The following HOXB9 variants were observed in gnomAD, a reference collection of about 807,000 sequenced individuals.
HOXB9 encodes homeobox protein Hox-B9.
In HOXB9, 10 loss-of-function variants were observed where a neutral mutation model predicts 21.5. That is an observed-to-expected ratio of 0.47 (90% CI 0.29 to 0.79). The LOEUF is 0.79. Ranked by LOEUF, HOXB9 falls within the 30% of genes least tolerant of loss-of-function variation. The pLI is 0.10. For missense variants in HOXB9, 375 were observed against 338.7 expected, an observed-to-expected ratio of 1.11 and a Z score of -0.84; for synonymous variants, 156 against 151.2, an observed-to-expected ratio of 1.03 and a Z score of -0.23.
In HOXB9 at chr17:48,622,694, C is replaced by A; in HGVS notation, c.*206G>T. ...ATTTCTATCTTCTAAATCAACAAAA[C>A]TTTCTCCTGACACCTAGAGAGAAGA... On this transcript the variant is annotated 3_prime_UTR_variant, in exon 2 of 2. Coordinates refer to ENST00000311177, the MANE Select transcript of HOXB9 (RefSeq NM_024017.5). 2.0e-6 allele frequency: 1 copy of A among 512,446 alleles called. No individual in the cohort carries two copies. The highest frequency in any genetic ancestry group is 3.5e-6 in the Non-Finnish European group (1 of 289,090). 31.7% of individuals were successfully genotyped at this position (512,446 alleles called of 1,614,324 possible).
chr17:48,625,885 G>T lies in HOXB9; in HGVS notation c.385C>A (p.Leu129Ile). 1 of 1,604,948 alleles carries T rather than the reference G, an allele frequency of 6.2e-7. No individual in the cohort carries two copies. Reference sequence around the variant, plus strand: ...CTGTACTCGGGCGTGCCCTGTTTGAGCAGCTCCCCAGGCGCGCCCAGCAGC... The same window carrying T: ...CTGTACTCGGGCGTGCCCTGTTTGATCAGCTCCCCAGGCGCGCCCAGCAGC... ...EPLLGAPGEL[L>I]KQGTPEYSLE... The change falls in exon 1 of 2, where the codon CTC becomes ATC. Residue 129 changes from leucine to isoleucine, a missense_variant. Coordinates refer to ENST00000311177, the MANE Select transcript of HOXB9 (RefSeq NM_024017.5).
Position 48,626,136 on chromosome 17 carries a change from AGGTGCTCCGCGTGGCCCGGCT to A in HOXB9, c.113_133del (p.Gln38_His44del), listed in dbSNP as rs773722907. On this transcript the variant is annotated inframe_deletion, in exon 1 of 2. Coordinates refer to ENST00000311177, the MANE Select transcript of HOXB9 (RefSeq NM_024017.5). ...CTGGAAGCTGCACGAGGGGAACTCC[AGGTGCTCCGCGTGGCCCGGCT>A]GCCGCGAGCTCGCGTACTGGCCAGA... 45 of 1,592,090 alleles carry A rather than the reference AGGTGCTCCGCGTGGCCCGGCT, an allele frequency of 2.8e-5. No homozygotes were observed. The Admixed American group carries it at 7.6e-4, about 27-fold the overall frequency.
Position 48,626,249 on chromosome 17 carries a change from A to G in HOXB9, c.21T>C (p.Leu7=), listed in dbSNP as rs764999271. 9 of 1,594,300 alleles carry G rather than the reference A, an allele frequency of 5.6e-6. No individual in the cohort carries two copies. In the African/African-American group the frequency reaches 8.0e-5, roughly 14 times the overall value. MSISGT[L]SSYYVDSIIS... is the part of the protein sequence containing the mutation. ...TGATCGAGTCGACATAATAGCTGCT[A>G]AGCGTCCCAGAAATGGACATTCTCA... The change falls in exon 1 of 2, where the codon CTT becomes CTC. Residue 7 remains leucine, a synonymous_variant. Transcript: ENST00000311177.
At chr17:48,623,420 C>A (rs2070787162) in intron 1 of HOXB9, among the ~76,000 whole-genome samples, 2 of 152,194 alleles carry the variant, frequency 1.3e-5, no homozygotes, top group Admixed American at 1.3e-4. Flanking sequence ...CTACTTGGGT[C>A]CAAACTGCTT....
chr17:48,626,193 G>A lies in HOXB9; in HGVS notation c.77C>T (p.Ala26Val). The A allele has an allele frequency of 6.3e-7, 1 of 1,599,424 alleles. No individual in the cohort carries two copies. The highest frequency in any genetic ancestry group is 8.5e-7 in the Non-Finnish European group (1 of 1,179,696). ...CGCGTACTGGCCAGAAGGAAACTTG[G>A]CTGGAGGCGCGTCCTCACTCTCGTG... is the stretch of plus-strand genomic sequence containing the variant. ...ISHESEDAPPAKFPSGQYASS... is the reference protein window; with the variant it reads ...ISHESEDAPPVKFPSGQYASS... Residue 26 changes from alanine to valine, a missense_variant, in exon 1 of 2, where the codon GCC becomes GTC. By Grantham distance (64) the Ala-to-Val change is moderately conservative. Transcript: ENST00000311177.
chr17:48,625,664 C>T, intron 1 of HOXB9, 89 bp downstream of exon 1: 1 of 1,405,754 alleles, frequency 7.1e-7, no homozygotes, highest in Non-Finnish European at 9.4e-7. Context: ...CGCAGTTTCC[C>T]TTCACATTGT....
rs1266592093 is a variant in HOXB9, at chr17:48,621,916, G to A, written c.*984C>T. The A allele has an allele frequency of 3.3e-5, 5 of 152,330 alleles. No homozygotes were observed. Among genetic ancestry groups the A allele is most frequent in the Admixed American group, 3.3e-4 (5 of 15,286 alleles). The allele number at this position is 152,330 out of a possible 1,614,324, so 9.4% of individuals were successfully genotyped here. On this transcript the variant is annotated 3_prime_UTR_variant, in exon 2 of 2. Transcript: ENST00000311177. ...GGTGCAAGGTGGATACGACCGAAGA[G>A]AGTTGATTTCAGAGCTAGGGAGGGT...
chr17:48,624,690 G>C (rs1377242929), intron 1 of HOXB9, among the ~76,000 whole-genome samples: 1 of 152,104 alleles, frequency 6.6e-6, no homozygotes, highest in African/African-American at 2.4e-5. Flanking sequence ...ACCAGCCTGC[G>C]AGTCATTGTT....
rs773821975 is a variant in HOXB9 at position 48,625,844 on chromosome 17, C to A, written c.426G>T (p.Ala142=). ...GTPEYSLETS[A]GREAVLSNQR... The stretch of plus-strand genomic sequence containing the variant: ...GATTAGACAGCACGGCCTCCCTGCC[C>A]GCCGAAGTTTCCAAACTGTACTCGG... Residue 142 remains alanine (A), a synonymous_variant, in exon 1 of 2, where the codon GCG becomes GCT. Transcript: ENST00000311177. 3.7e-6 allele frequency: 6 copies of A among 1,611,906 alleles called. No individual in the cohort carries two copies. The highest frequency in any genetic ancestry group is 5.1e-6 in the Non-Finnish European group (6 of 1,179,298).
At chr17:48,624,953 C>T (rs1188750210) in intron 1 of HOXB9, among the ~76,000 whole-genome samples, 2 of 152,176 alleles carry the variant, frequency 1.3e-5, no homozygotes, top group Non-Finnish European at 2.9e-5. Flanking sequence ...TATTCGGAAG[C>T]GATTCCCCGA....
chr17:48,622,778 G>T lies in HOXB9; in HGVS notation c.*122C>A. On this transcript the variant is annotated 3_prime_UTR_variant, in exon 2 of 2. Coordinates refer to ENST00000311177, the MANE Select transcript of HOXB9 (RefSeq NM_024017.5). ...GTTCTAGGTGCAGATAAAGGACTTG[G>T]AAGAGAGACTCCCTTCCCCATTCAC... is the stretch of plus-strand genomic sequence containing the variant. 1 of 700,578 alleles carries T rather than the reference G, an allele frequency of 1.4e-6. No homozygotes were observed. The highest frequency in any genetic ancestry group is 2.7e-5 in the East Asian group (1 of 37,498). 43.4% of individuals were successfully genotyped at this position (700,578 alleles called of 1,614,324 possible). A position where few individuals can be genotyped will look rare whatever the true frequency, so the allele number is the denominator to read the frequency against.
chr17:48,625,605 T>G, intron 1 of HOXB9, 148 bp downstream of exon 1: 10 of 951,340 alleles, frequency 1.1e-5, no homozygotes, highest in Non-Finnish European at 1.5e-5. Flanking sequence ...CTTCCCTCCG[T>G]CTTTCCTTCC....
intron 1 of HOXB9, among the ~76,000 whole-genome samples, chr17:48,624,896 C>T (rs894274941): frequency 6.6e-6 from 1 of 152,230 alleles, no homozygotes; most frequent in Non-Finnish European, 1.5e-5. Context: ...GCAACTCTCT[C>T]TTCCCCCCAC....
At position 48,626,245 on chromosome 17, in the gene HOXB9, T is replaced by C. The variant is rs371056380; in HGVS notation, c.25A>G (p.Ser9Gly). The change falls in exon 1 of 2, where the codon AGC becomes GGC. Residue 9 changes from serine (S) to glycine (G), a missense_variant. Physicochemically the swap from Ser to Gly is moderately conservative, Grantham distance 56. Coordinates refer to ENST00000311177, the MANE Select transcript of HOXB9 (RefSeq NM_024017.5). ...CTTATGATCGAGTCGACATAATAGCTGCTAAGCGTCCCAGAAATGGACATT... is the reference window on the plus strand; with the variant it reads ...CTTATGATCGAGTCGACATAATAGCCGCTAAGCGTCCCAGAAATGGACATT... MSISGTLS[S>G]YYVDSIISHE... The C allele has an allele frequency of 5.6e-6, 9 of 1,594,566 alleles. No individual in the cohort carries two copies. Among genetic ancestry groups the C allele is most frequent in the Non-Finnish European group, 7.6e-6 (9 of 1,176,628 alleles).
In HOXB9 at chr17:48,625,815, C is replaced by T; in HGVS notation, c.455G>A (p.Arg152Lys). The T allele has an allele frequency of 1.1e-5, 18 of 1,609,662 alleles. No individual in the cohort carries two copies. The highest frequency in any genetic ancestry group is 1.4e-5 in the Non-Finnish European group (17 of 1,178,320). ...AATTTTATTGTCCCCGTAGCCGGGT[C>T]TTTGATTAGACAGCACGGCCTCCCT... is the stretch of plus-strand genomic sequence containing the variant. ...AGREAVLSNQ[R>K]PGYGDNKICE... Residue 152 changes from arginine to lysine, a missense_variant, in exon 1 of 2, where the codon AGA (arginine) becomes AAA (lysine). Transcript: ENST00000311177.
At position 48,626,137 on chromosome 17, in the gene HOXB9, G is replaced by A; in HGVS notation, c.133C>T (p.Leu45=). ...SSRQPGHAEH[L]EFPSCSFQPK... ...TGGAAGCTGCACGAGGGGAACTCCA[G>A]GTGCTCCGCGTGGCCCGGCTGCCGC... Residue 45 remains leucine, a synonymous_variant, in exon 1 of 2, where the codon CTG becomes TTG. Transcript: ENST00000311177. 6.3e-7 allele frequency: 1 copy of A among 1,592,292 alleles called. No individual in the cohort carries two copies.
At position 48,626,244 on chromosome 17, in the gene HOXB9, C is replaced by A; in HGVS notation, c.26G>T (p.Ser9Ile). MSISGTLS[S>I]YYVDSIISHE... is the part of the protein sequence containing the mutation. The stretch of plus-strand genomic sequence containing the variant: ...ACTTATGATCGAGTCGACATAATAG[C>A]TGCTAAGCGTCCCAGAAATGGACAT... Residue 9 changes from serine (S) to isoleucine (I), a missense_variant, in exon 1 of 2, where the codon AGC (serine) becomes ATC (isoleucine). By Grantham distance (142) the Ser-to-Ile change is moderately radical (BLOSUM62 -2). Coordinates refer to ENST00000311177, the MANE Select transcript of HOXB9 (RefSeq NM_024017.5). The A allele has an allele frequency of 1.3e-6, 2 of 1,594,896 alleles. No homozygotes were observed. Among genetic ancestry groups the A allele is most frequent in the Non-Finnish European group, 1.7e-6 (2 of 1,176,776 alleles).
chr17:48,623,498 G>A (rs1209983838), intron 1 of HOXB9, among the ~76,000 whole-genome samples: 1 of 152,204 alleles, frequency 6.6e-6, no homozygotes, highest in Admixed American at 6.5e-5. Flanking sequence ...ACTAGGGGTG[G>A]GTGGCTGACC....
intron 1 of HOXB9, among the ~76,000 whole-genome samples, chr17:48,625,490 C>G (rs2070804703): frequency 6.6e-6 from 1 of 152,214 alleles, no homozygotes; most frequent in African/African-American, 2.4e-5. Flanking sequence ...GCCGAGAGAG[C>G]TGCAAGTCGA....
Sources: allele counts gnomAD v4.1 joint callset (sites outside exome capture counted in the v4.1 genomes callset), GRCh38; gene constraint gnomAD v4.1.1; transcripts MANE v1.5; gene names NCBI Gene and HGNC (gene_info 2026-07-23, HGNC 2026-07-21).